Variants in SFXN5 observed in about 807,000 individuals in gnomAD.
The protein encoded by SFXN5 is sideroflexin 5, also known as sideroflexin-5.
Under a neutral mutation model 50.2 loss-of-function variants are expected in SFXN5, and 43 were observed. The ratio of observed to expected loss-of-function variants is 0.86; its 90% CI spans 0.67 to 1.11. The LOEUF is 1.11. Among genes scored for constraint, SFXN5 ranks in the 50% least tolerant of loss-of-function variants. SFXN5 has a pLI of 0.00. For missense variants in SFXN5, 463 were observed against 454.1 expected, an observed-to-expected ratio of 1.02 and a Z score of -0.18; for synonymous variants, 203 against 185.8, an observed-to-expected ratio of 1.09 and a Z score of -0.75.
intron 1 of SFXN5, among the ~76,000 whole-genome samples, chr2:73,065,460 G>T (rs1387674250): frequency 6.6e-6 from 1 of 151,932 alleles, no homozygotes; most frequent in Non-Finnish European, 1.5e-5. Context: ...GAGTGCAATG[G>T]TGCAATCTCG....
chr2:73,055,592 CTT>C (rs1559213372), intron 2 of SFXN5, among the ~76,000 whole-genome samples: 1 of 147,722 alleles, frequency 6.8e-6, no homozygotes, highest in Non-Finnish European at 1.5e-5. Flanking sequence ...TCTTTTTTTT[CTT>C]TTTCTTTTTT....
At chr2:73,003,928 CTA>C (rs947559543) in intron 6 of SFXN5, among the ~76,000 whole-genome samples, 44 of 152,314 alleles carry the variant, frequency 2.9e-4, no homozygotes, top group African/African-American at 9.6e-4. Context: ...CCTCTGACTG[CTA>C]TGAGTCTCCT....
rs74390631 is a variant in SFXN5, at chr2:73,069,824, GA to G, written c.102+1779del. Among the ~76,000 whole-genome samples, 720 of 138,900 alleles carry G rather than the reference GA, an allele frequency of 5.2e-3. 8 individuals are homozygous for G. The highest frequency in any genetic ancestry group is 0.016 in the African/African-American group (604 of 37,958). The allele number at this position is 138,900 out of a possible 152,430, so 91.1% of individuals were successfully genotyped here. On this transcript the variant is annotated intron_variant, in intron 1 of 13. Coordinates refer to ENST00000272433, the MANE Select transcript of SFXN5 (RefSeq NM_144579.3). The stretch of plus-strand genomic sequence containing the variant: ...ACAGACACCAGGACAAAAAGAAAAA[GA>G]AAAAAAAAAAGGAAACACAAATCTT...
intron 1 of SFXN5, among the ~76,000 whole-genome samples, chr2:73,064,276 G>T (rs1386222828): frequency 2.6e-5 from 4 of 152,248 alleles, no homozygotes; most frequent in Non-Finnish European, 4.4e-5. Flanking sequence ...AAGCAGAAAG[G>T]CTGGGCCAGC....
chr2:72,994,973 A>T (rs906660807), intron 9 of SFXN5: 2 of 152,414 alleles, frequency 1.3e-5, no homozygotes, highest in African/African-American at 4.8e-5. Flanking sequence ...CTGTCCTACG[A>T]GTCAGCCCTG....
intron 9 of SFXN5, chr2:72,995,102 C>G (rs538123192): frequency 6.6e-6 from 1 of 152,382 alleles, no homozygotes; most frequent in Admixed American, 6.5e-5. Context: ...ATATACCAGT[C>G]CCTGAAGCCC....
At chr2:73,041,705 CCTTT>C (rs1679673824) in intron 2 of SFXN5, 1 of 355,340 alleles carries the variant, frequency 2.8e-6, no homozygotes, top group Non-Finnish European at 5.7e-6. Context: ...GAGGATTTTT[CCTTT>C]CTCTTTTTCC....
intron 6 of SFXN5, among the ~76,000 whole-genome samples, chr2:73,007,256 A>T (rs900870618): frequency 6.6e-6 from 1 of 152,266 alleles, no homozygotes. Context: ...AGGTTTTTTT[A>T]AAAGCGTGGG....
intron 11 of SFXN5, among the ~76,000 whole-genome samples, chr2:72,969,898 T>C (rs1442230312): frequency 6.6e-6 from 1 of 151,562 alleles, no homozygotes; most frequent in Non-Finnish European, 1.5e-5. Context: ...GGGGTGGGAG[T>C]GTCCTTGCCA....
In SFXN5 at chr2:72,944,088, G is replaced by A. The variant is rs951478615; in HGVS notation, c.*934C>T. 3 of 152,248 alleles carry A rather than the reference G, an allele frequency of 2.0e-5. No individual in the cohort carries two copies. 9.4% of individuals were successfully genotyped at this position (152,248 alleles called of 1,614,324 possible). A position where few individuals can be genotyped will look rare whatever the true frequency, so the allele number is the denominator to read the frequency against. ...ATGGGGCAGGCAGCCTTGGTGGCTGGAGAAGCTCCGCAGAAGGCAGCCAGC... is the reference window on the plus strand; with the variant it reads ...ATGGGGCAGGCAGCCTTGGTGGCTGAAGAAGCTCCGCAGAAGGCAGCCAGC... On this transcript the variant is annotated 3_prime_UTR_variant, in exon 14 of 14. Transcript: ENST00000272433.
chr2:73,067,411 G>C (rs1018675505), intron 1 of SFXN5, among the ~76,000 whole-genome samples: 2 of 152,176 alleles, frequency 1.3e-5, no homozygotes, highest in African/African-American at 2.4e-5. Context: ...AAAATTCAAT[G>C]AAGTCTGGAG....
intron 1 of SFXN5, among the ~76,000 whole-genome samples, chr2:73,065,406 AT>A (rs1023782636): frequency 2.8e-5 from 4 of 140,804 alleles, no homozygotes; most frequent in Non-Finnish European, 6.2e-5. Context: ...CTGGACAACA[AT>A]TTTTTTTTTT....
chr2:73,058,528 C>T lies in SFXN5; in HGVS notation c.171G>A (p.Glu57=), dbSNP rs1682423790. Reference sequence around the variant, plus strand: ...CACTGAGGTGACAGCCATGACTTACCTCAGTGACAAAGAGTGTGCGAGGGT... The same window carrying T: ...CACTGAGGTGACAGCCATGACTTACTTCAGTGACAAAGAGTGTGCGAGGGT... ...IIDPRTLFVT[E]RRLREAVQLL... The change falls in exon 2 of 14, where the codon GAG becomes GAA. Residue 57 remains glutamate (E), a splice_region_variant and synonymous_variant. Transcript: ENST00000272433. The T allele has an allele frequency of 1.2e-6, 2 of 1,613,948 alleles. No homozygotes were observed. Among genetic ancestry groups the T allele is most frequent in the East Asian group, 4.5e-5 (2 of 44,886 alleles).
At chr2:72,970,516 C>G (rs1215275883) in intron 11 of SFXN5, among the ~76,000 whole-genome samples, 1 of 152,134 alleles carries the variant, frequency 6.6e-6, no homozygotes, top group Non-Finnish European at 1.5e-5. Context: ...CTGATAAGGA[C>G]AGTGGCTGGA....
intron 1 of SFXN5, chr2:73,071,276 A>C: frequency 2.8e-6 from 1 of 357,426 alleles, no homozygotes. Flanking sequence ...AGCGACCCTG[A>C]GCAGCCGCTC....
chr2:73,025,511 C>T (rs1677448107), intron 3 of SFXN5, among the ~76,000 whole-genome samples: 1 of 152,174 alleles, frequency 6.6e-6, no homozygotes, highest in African/African-American at 2.4e-5. Context: ...CACGGTGAAG[C>T]CAATGCACAG....
chr2:73,071,012 G>T (rs1020018878), intron 1 of SFXN5: 12 of 152,556 alleles, frequency 7.9e-5, no homozygotes, highest in African/African-American at 2.9e-4. Flanking sequence ...TGGAGAGCAG[G>T]GACGGGGGAC....
chr2:73,015,620 C>A (rs959912640), intron 6 of SFXN5, among the ~76,000 whole-genome samples: 1 of 151,996 alleles, frequency 6.6e-6, no homozygotes, highest in African/African-American at 2.4e-5. Context: ...ATGCCTGGCA[C>A]TTTTTTTGCT....
intron 3 of SFXN5, among the ~76,000 whole-genome samples, chr2:73,023,725 G>T (rs1008088911): frequency 6.6e-6 from 1 of 152,196 alleles, no homozygotes; most frequent in Non-Finnish European, 1.5e-5. Flanking sequence ...CTGACACAGA[G>T]TCGTTTAAGG....
Sources: gnomAD v4.1 joint callset for allele counts (sites outside exome capture counted in the v4.1 genomes callset) on GRCh38, gnomAD v4.1.1 for gene constraint, MANE v1.5 for transcripts, NCBI Gene and HGNC (gene_info 2026-07-23, HGNC 2026-07-21) for gene names.